Variants in SLC8A1 observed in about 807,000 individuals in gnomAD.
The protein encoded by SLC8A1 is sodium/calcium exchanger 1.
SLC8A1 carries 18 observed loss-of-function variants against 68.3 expected under a neutral mutation model. That is an observed-to-expected ratio of 0.26 (90% CI 0.18 to 0.39). The LOEUF is 0.39. SLC8A1 is among the 10% of genes least tolerant of loss of function. SLC8A1 has a pLI of 1.00. For synonymous variants in SLC8A1, 475 were observed against 415.5 expected (o/e 1.14, Z -1.74); for missense variants, 985 against 1,156.7 (o/e 0.85, Z 2.15).
intron 5 of SLC8A1, among the ~76,000 whole-genome samples, chr2:40,161,654 A>T (rs531237884): frequency 1.3e-5 from 2 of 152,302 alleles, no homozygotes. Context: ...AAGAGCAGCC[A>T]AACATTCACG....
At chr2:40,111,031 A>T (rs530728995) in exon 8 of SLC8A1, 1 of 152,322 alleles carries the variant, frequency 6.6e-6, no homozygotes, top group South Asian at 2.1e-4. Flanking sequence ...GCTTTCATTA[A>T]TAGTGAGGCC....
chr2:40,174,749 AT>A (rs767236261), intron 4 of SLC8A1, 29 bp from the exon 6 acceptor site: 32 of 1,570,104 alleles, frequency 2.0e-5, no homozygotes, highest in Middle Eastern at 1.7e-4. Flanking sequence ...AAAATGAGAA[AT>A]TTTTTTTAAT....
At chr2:40,498,929 C>T (rs1331394767) in intron 1 of SLC8A1, among the ~76,000 whole-genome samples, 3 of 151,978 alleles carry the variant, frequency 2.0e-5, no homozygotes, top group African/African-American at 4.8e-5. Flanking sequence ...GCTGTCAACT[C>T]GCTCAACATA....
intron 2 of SLC8A1, among the ~76,000 whole-genome samples, chr2:40,252,619 G>A (rs2062945890): frequency 1.3e-5 from 2 of 152,084 alleles, no homozygotes; most frequent in Non-Finnish European, 2.9e-5. Context: ...CAGGTGCACA[G>A]GTGTGAGCAA....
intron 2 of SLC8A1, among the ~76,000 whole-genome samples, chr2:40,290,223 G>T (rs2069053338): frequency 6.6e-6 from 1 of 151,688 alleles, no homozygotes; most frequent in Non-Finnish European, 1.5e-5. Flanking sequence ...GTGAAAGAAT[G>T]GGAAACGCAG....
At chr2:40,098,965 T>C (rs893455503) in exon 8 of SLC8A1, 1 of 152,024 alleles carries the variant, frequency 6.6e-6, no homozygotes, top group African/African-American at 2.4e-5. Context: ...TTTAATGATA[T>C]CAGGTATATG....
chr2:40,143,047 A>G (rs2041877030), intron 6 of SLC8A1, among the ~76,000 whole-genome samples: 3 of 152,078 alleles, frequency 2.0e-5, no homozygotes, highest in Admixed American at 2.0e-4. Flanking sequence ...TTTAATGCAT[A>G]AGTCTGGAAT....
chr2:40,389,878 C>T (rs1684747480), intron 2 of SLC8A1, among the ~76,000 whole-genome samples: 1 of 150,146 alleles, frequency 6.7e-6, no homozygotes, highest in Admixed American at 6.7e-5. Flanking sequence ...TTATAATCAG[C>T]CAGTCTCCCC....
chr2:40,393,173 C>T (rs1685860248), intron 2 of SLC8A1, among the ~76,000 whole-genome samples: 1 of 151,954 alleles, frequency 6.6e-6, no homozygotes, highest in South Asian at 2.1e-4. Context: ...TTACAAAATC[C>T]AAAACATACA....
intron 2 of SLC8A1, among the ~76,000 whole-genome samples, chr2:40,346,070 A>AAAAAAG (rs1669199742): frequency 2.0e-5 from 3 of 149,720 alleles, no homozygotes; most frequent in African/African-American, 7.4e-5. Flanking sequence ...AAAAAAAAAA[A>AAAAAAG]AAAGAAAGAA....
At chr2:40,308,332 T>A (rs1357688089) in intron 2 of SLC8A1, among the ~76,000 whole-genome samples, 2 of 152,194 alleles carry the variant, frequency 1.3e-5, no homozygotes, top group Admixed American at 1.3e-4. Flanking sequence ...TACTGGGTTA[T>A]CCTGGGCAAA....
At chr2:40,310,494 GC>G (rs1293048631) in intron 2 of SLC8A1, among the ~76,000 whole-genome samples, 1 of 152,186 alleles carries the variant, frequency 6.6e-6, no homozygotes, top group African/African-American at 2.4e-5. Flanking sequence ...GAGGTCAGTG[GC>G]CAGGGATGTA....
intron 2 of SLC8A1, among the ~76,000 whole-genome samples, chr2:40,391,364 G>T (rs552902667): frequency 6.6e-6 from 1 of 152,066 alleles, no homozygotes; most frequent in Admixed American, 6.6e-5. Context: ...AGGAATAAGT[G>T]TCCTTTTAAA....
intron 2 of SLC8A1, among the ~76,000 whole-genome samples, chr2:40,361,611 G>T (rs1481620379): frequency 6.6e-6 from 1 of 151,948 alleles, no homozygotes; most frequent in Non-Finnish European, 1.5e-5. Flanking sequence ...TTATGAGGTG[G>T]TCTAATCTGT....
chr2:40,333,210 G>A (rs372504011), intron 2 of SLC8A1, among the ~76,000 whole-genome samples: 228 of 152,278 alleles, frequency 1.5e-3, no homozygotes, highest in Non-Finnish European at 2.4e-3. Context: ...AGGCCAAGGC[G>A]GGCGGATCAC....
At chr2:40,354,532 A>G (rs1267012724) in intron 2 of SLC8A1, among the ~76,000 whole-genome samples, 2 of 152,144 alleles carry the variant, frequency 1.3e-5, no homozygotes, top group African/African-American at 4.8e-5. Context: ...TCACACAGTC[A>G]GTCTTTAGTT....
intron 2 of SLC8A1, among the ~76,000 whole-genome samples, chr2:40,332,830 TAAAC>T (rs1311322015): frequency 6.6e-6 from 1 of 152,240 alleles, no homozygotes; most frequent in Admixed American, 6.5e-5. Flanking sequence ...TGTTATCAGA[TAAAC>T]AAACCAATAT....
chr2:40,430,433 C>T (rs565621905), intron 1 of SLC8A1, 129 bp from the exon 2 acceptor site: 23 of 927,898 alleles, frequency 2.5e-5, no homozygotes, highest in South Asian at 1.5e-4. Flanking sequence ...ATCACAAAAC[C>T]GAAATTTGTT....
intron 1 of SLC8A1, among the ~76,000 whole-genome samples, chr2:40,457,601 T>A (rs750600539): frequency 4.6e-5 from 7 of 152,216 alleles, no homozygotes; most frequent in Non-Finnish European, 1.0e-4. Flanking sequence ...TGAAACTGTA[T>A]GCTCTCGTCT....
Sources: allele counts gnomAD v4.1 joint callset (sites outside exome capture counted in the v4.1 genomes callset), GRCh38; gene constraint gnomAD v4.1.1; transcripts MANE v1.5; gene names NCBI Gene and HGNC (gene_info 2026-07-23, HGNC 2026-07-21).